DACT2: variants seen among roughly 807,000 people sequenced by gnomAD.
The protein encoded by DACT2 is dishevelled binding antagonist of beta catenin 2.
A neutral mutation model predicts 22.2 loss-of-function variants in DACT2; 20 were observed. The observed-to-expected ratio is 0.90, with a 90% CI of 0.63 to 1.31. The LOEUF (loss-of-function observed/expected upper bound fraction) is 1.31. Among genes scored for constraint, DACT2 ranks in the 50% most tolerant of loss-of-function variants. The probability of loss-of-function intolerance (pLI) is 0.00; values close to 1 mark genes in which losing one functional copy is unlikely to be tolerated. For missense variants in DACT2, 1,048 were observed against 1,061.4 expected (o/e 0.99, Z 0.18); for synonymous variants, 463 against 479.8 (o/e 0.96, Z 0.46).
intron 1 of DACT2, among the ~76,000 whole-genome samples, chr6:168,313,056 AT>A (rs201288654): frequency 7.9e-5 from 12 of 151,404 alleles, no homozygotes; most frequent in African/African-American, 2.7e-4. Flanking sequence ...AAGCCATAAT[AT>A]TTTTTTTTAG....
chr6:168,293,117 C>A (rs1472443711), exon 6 of DACT2: 1 of 152,148 alleles, frequency 6.6e-6, no homozygotes, highest in Non-Finnish European at 1.5e-5. Context: ...AATGAGAAGA[C>A]CGGCCATTAG....
Position 168,319,695 on chromosome 6 carries a change from G to C in DACT2, c.-62C>G. 8.4e-7 allele frequency: 1 copy of C among 1,193,144 alleles called. No individual in the cohort carries two copies. The highest frequency in any genetic ancestry group is 3.4e-4 in the Middle Eastern group (1 of 2,940). The allele number at this position is 1,193,144 out of a possible 1,614,324, so 73.9% of individuals were successfully genotyped here. A position where few individuals can be genotyped will look rare whatever the true frequency, so the allele number is the denominator to read the frequency against. On this transcript the variant is annotated 5_prime_UTR_variant, in exon 1 of 4. Coordinates refer to ENST00000366795, the MANE Select transcript of DACT2 (RefSeq NM_214462.5). ...GCGGCGCCGGAGGCCCAGCGCGCGCGGATCCCGAGCTGTGTCGCGGGTCCT... is the reference window on the plus strand; with the variant it reads ...GCGGCGCCGGAGGCCCAGCGCGCGCCGATCCCGAGCTGTGTCGCGGGTCCT...
In DACT2 at chr6:168,307,313, G is replaced by T; in HGVS notation, c.*119C>A. On this transcript the variant is annotated 3_prime_UTR_variant, in exon 4 of 4. Coordinates refer to ENST00000366795, the MANE Select transcript of DACT2 (RefSeq NM_214462.5). The surrounding 1 kb of genome is among the most constrained non-coding windows in gnomAD (Gnocchi z 5.3). The stretch of plus-strand genomic sequence containing the variant: ...CCATCTGCGGGGACTCCTGTTAAAC[G>T]GTGGCCTCGGAAGATAAAGCGACTT... 6.8e-7 allele frequency: 1 copy of T among 1,480,398 alleles called. No individual in the cohort carries two copies. Among genetic ancestry groups the T allele is most frequent in the Middle Eastern group, 2.1e-4 (1 of 4,726 alleles). 91.7% of individuals were successfully genotyped at this position (1,480,398 alleles called of 1,614,324 possible). A position where few individuals can be genotyped will look rare whatever the true frequency, so the allele number is the denominator to read the frequency against.
At chr6:168,313,242 A>G (rs1245586659) in intron 1 of DACT2, among the ~76,000 whole-genome samples, 2 of 151,938 alleles carry the variant, frequency 1.3e-5, no homozygotes, top group East Asian at 3.9e-4. Flanking sequence ...ACGGGGTTTC[A>G]CCATGTTAGC....
At chr6:168,299,397 A>G (rs566029473) in intron 3 of DACT2, 1 of 152,214 alleles carries the variant, frequency 6.6e-6, no homozygotes, top group East Asian at 1.9e-4. Context: ...ATAAAGACAA[A>G]CTCTGAGGAT....
downstream of DACT2, among the ~76,000 whole-genome samples, chr6:168,302,712 C>T (rs1779132085): frequency 6.6e-6 from 1 of 152,168 alleles, no homozygotes; most frequent in Non-Finnish European, 1.5e-5. Context: ...CTGTCTGCAC[C>T]GCCCAACCTT....
At chr6:168,294,602 TAC>T (rs1554269720) in intron 4 of DACT2, 30 of 812,730 alleles carry the variant, frequency 3.7e-5, no homozygotes, top group South Asian at 7.1e-5. Flanking sequence ...TATATATATA[TAC>T]ACATATAAAG....
At position 168,308,706 on chromosome 6, in the gene DACT2, C is replaced by G. The variant is rs774006853; in HGVS notation, c.1051G>C (p.Glu351Gln). 1.3e-6 allele frequency: 2 copies of G among 1,548,686 alleles called. No individual in the cohort carries two copies. The highest frequency in any genetic ancestry group is 1.2e-5 in the South Asian group (1 of 84,048). ...TGCCTTAGAGGTCCCTGTTCTCCCT[C>G]GCTACCCTTTGCTGGGGTCTCCCGG... ...WGRETPAKGS[E>Q]GEQGPLRHAA... Residue 351 changes from glutamate (E) to glutamine (Q), a missense_variant, in exon 4 of 4, where the codon GAG becomes CAG. Glu to Gln is a conservative substitution (Grantham distance 29, BLOSUM62 2). Transcript: ENST00000366795.
At chr6:168,314,550 A>C (rs1002016353) in intron 1 of DACT2, among the ~76,000 whole-genome samples, 1 of 152,228 alleles carries the variant, frequency 6.6e-6, no homozygotes, top group African/African-American at 2.4e-5. Context: ...GTACCGTTAA[A>C]AAAAATAAGT....
downstream of DACT2, among the ~76,000 whole-genome samples, chr6:168,304,873 G>A (rs951876506): frequency 6.6e-5 from 10 of 152,168 alleles, no homozygotes; most frequent in African/African-American, 9.7e-5. Flanking sequence ...CCAGGGTGCC[G>A]GGTAGACGGG....
intron 1 of DACT2, among the ~76,000 whole-genome samples, chr6:168,311,628 C>A (rs1035591809): frequency 5.4e-5 from 7 of 128,802 alleles, no homozygotes; most frequent in Admixed American, 1.6e-4. Context: ...ACACACACAC[C>A]CATCCACACA....
At chr6:168,305,749 T>C (rs1583293900), downstream of DACT2, among the ~76,000 whole-genome samples, 1 of 152,198 alleles carries the variant, frequency 6.6e-6, no homozygotes, top group East Asian at 1.9e-4. Context: ...AATGTTGTCA[T>C]TTTTATAAAA....
intron 1 of DACT2, among the ~76,000 whole-genome samples, chr6:168,312,057 TCTC>T (rs1490694566): frequency 1.3e-5 from 2 of 152,278 alleles, no homozygotes; most frequent in East Asian, 3.9e-4. Flanking sequence ...ATAAGTCCCT[TCTC>T]CTTCCCTGAT....
chr6:168,309,234 G>C (rs1242754563), intron 3 of DACT2, 136 bp from the exon 4 acceptor site: 15 of 1,358,746 alleles, frequency 1.1e-5, no homozygotes, highest in Non-Finnish European at 1.5e-5. Context: ...TCCCATGGGA[G>C]ACGGCGACTC....
At chr6:168,315,567 T>C (rs761106083) in intron 1 of DACT2, among the ~76,000 whole-genome samples, 11 of 152,160 alleles carry the variant, frequency 7.2e-5, no homozygotes, top group Non-Finnish European at 1.2e-4. Context: ...TACAAGTCAC[T>C]CATCTATTTA....
Position 168,319,639 on chromosome 6 carries a change from G to T in DACT2, c.-6C>A. 3 of 1,270,216 alleles carry T rather than the reference G, an allele frequency of 2.4e-6. No homozygotes were observed. The highest frequency in any genetic ancestry group is 2.3e-5 in the South Asian group (1 of 43,270). The allele number at this position is 1,270,216 out of a possible 1,614,324, so 78.7% of individuals were successfully genotyped here. ...GGTCCGCCCGGCGTCCACATCTCCC[G>T]GGCAGGGTCCCGGCCTCCCGAACCC... On this transcript the variant is annotated 5_prime_UTR_variant, in exon 1 of 4. Coordinates refer to ENST00000366795, the MANE Select transcript of DACT2 (RefSeq NM_214462.5).
intron 1 of DACT2, among the ~76,000 whole-genome samples, chr6:168,311,597 T>TCACACACAAACACAC (rs1554271725): frequency 4.0e-5 from 4 of 100,464 alleles, no homozygotes; most frequent in African/African-American, 1.8e-4. Context: ...CACACACACA[T>TCACACACAAACACAC]ACACACACAC....
chr6:168,293,175 C>T (rs2114888765), exon 6 of DACT2: 1 of 152,258 alleles, frequency 6.6e-6, no homozygotes. Flanking sequence ...CATCTTCTCC[C>T]TAATTATGTT....
chr6:168,314,599 A>G (rs1016468185), intron 1 of DACT2, among the ~76,000 whole-genome samples: 1 of 152,242 alleles, frequency 6.6e-6, no homozygotes, highest in Non-Finnish European at 1.5e-5. Flanking sequence ...ACGCACCACA[A>G]GAGAATGACC....
Sources: gnomAD v4.1 joint callset for allele counts (sites outside exome capture counted in the v4.1 genomes callset) on GRCh38, gnomAD v4.1.1 for gene constraint, Gnocchi (gnomAD v3.1) non-coding constraint, MANE v1.5 for transcripts, NCBI Gene and HGNC (gene_info 2026-07-23, HGNC 2026-07-21) for gene names.